SLC10A7: variants seen among roughly 807,000 people sequenced by gnomAD.
The protein encoded by SLC10A7 is sodium/bile acid cotransporter 7.
SLC10A7 carries 29 observed loss-of-function variants against 43.2 expected under a neutral mutation model. That is an observed-to-expected ratio of 0.67 (90% CI 0.50 to 0.92). The LOEUF is 0.92. Ranked by LOEUF, SLC10A7 falls within the 40% of genes least tolerant of loss-of-function variation. The pLI is 0.00. For synonymous variants in SLC10A7, 152 were observed against 144.8 expected (o/e 1.05, Z -0.35); for missense variants, 295 against 403.2 (o/e 0.73, Z 2.30).
chr4:146,493,420 C>G (rs1255042023), intron 4 of SLC10A7, among the ~76,000 whole-genome samples: 1 of 151,182 alleles, frequency 6.6e-6, no homozygotes, highest in African/African-American at 2.4e-5. Flanking sequence ...TTATGTAGAA[C>G]TGTTTAAGTG....
At chr4:146,516,418 T>C (rs1214322670) in intron 2 of SLC10A7, among the ~76,000 whole-genome samples, 1 of 148,424 alleles carries the variant, frequency 6.7e-6, no homozygotes. Flanking sequence ...TGTGTGTTTG[T>C]GTGTGTGTGT....
At chr4:146,471,506 A>G (rs1733570041) in intron 4 of SLC10A7, among the ~76,000 whole-genome samples, 1 of 152,212 alleles carries the variant, frequency 6.6e-6, no homozygotes, top group Admixed American at 6.5e-5. Flanking sequence ...TTCCAGTTGT[A>G]GCTAAAGTCA....
chr4:146,365,607 G>A (rs774347211), intron 5 of SLC10A7, among the ~76,000 whole-genome samples: 2 of 152,178 alleles, frequency 1.3e-5, no homozygotes, highest in African/African-American at 2.4e-5. Context: ...AGGGATTGAT[G>A]TTTACCAAGT....
Position 146,256,521 on chromosome 4 carries a change from C to T in SLC10A7, c.994-1G>A. On this transcript the variant is annotated splice_acceptor_variant, in intron 11 of 11. Coordinates refer to ENST00000335472, the MANE Select transcript of SLC10A7 (RefSeq NM_001029998.6). LOFTEE classifies it high-confidence loss of function. ...CTGTCGGCCTTGTCAGCTTCACTCC[C>T]TACAAGGAAGGAAAACATGTTCAGA... is the stretch of plus-strand genomic sequence containing the variant. 1 of 1,613,996 alleles carries T rather than the reference C, an allele frequency of 6.2e-7. No homozygotes were observed. Among genetic ancestry groups the T allele is most frequent in the Non-Finnish European group, 8.5e-7 (1 of 1,179,908 alleles).
At chr4:146,374,085 A>G (rs1285973694) in intron 5 of SLC10A7, among the ~76,000 whole-genome samples, 4 of 152,216 alleles carry the variant, frequency 2.6e-5, no homozygotes, top group Non-Finnish European at 5.9e-5. Flanking sequence ...CTCAGATTGG[A>G]AGAGACCTGG....
At chr4:146,367,988 G>C (rs1299752572) in intron 5 of SLC10A7, among the ~76,000 whole-genome samples, 6 of 152,254 alleles carry the variant, frequency 3.9e-5, no homozygotes, top group Admixed American at 3.3e-4. Context: ...TCAGGACACT[G>C]ACCCTCTTGC....
chr4:146,305,437 A>T (rs1345051472), intron 7 of SLC10A7, among the ~76,000 whole-genome samples: 1 of 85,242 alleles, frequency 1.2e-5, no homozygotes, highest in East Asian at 4.0e-4. Flanking sequence ...GGGTGGGGGG[A>T]GGGGGAGGGA....
intron 4 of SLC10A7, among the ~76,000 whole-genome samples, chr4:146,462,596 G>A (rs994241729): frequency 2.0e-5 from 3 of 152,174 alleles, no homozygotes; most frequent in Admixed American, 6.5e-5. Flanking sequence ...CATGGAAATT[G>A]TATAGACACA....
intron 5 of SLC10A7, among the ~76,000 whole-genome samples, chr4:146,382,252 A>C (rs1737679694): frequency 6.6e-6 from 1 of 152,186 alleles, no homozygotes; most frequent in Non-Finnish European, 1.5e-5. Flanking sequence ...TTGTTTAATA[A>C]TTGCTTATTC....
chr4:146,428,973 A>C (rs1324328522), intron 5 of SLC10A7, among the ~76,000 whole-genome samples: 2 of 152,146 alleles, frequency 1.3e-5, no homozygotes, highest in South Asian at 2.1e-4. Flanking sequence ...TGGGTTTGGT[A>C]AACTATTATA....
chr4:146,275,053 G>A (rs989577162), intron 10 of SLC10A7, among the ~76,000 whole-genome samples: 1 of 152,168 alleles, frequency 6.6e-6, no homozygotes, highest in Non-Finnish European at 1.5e-5. Flanking sequence ...GACTCTAGAT[G>A]GCAATAATGA....
rs185920168 is a variant in SLC10A7 at position 146,317,353 on chromosome 4, C to T, written c.471+8608G>A. On this transcript the variant is annotated intron_variant, in intron 6 of 11. Transcript: ENST00000335472. ...ACTATTTTGGGTATTGGGATTATGA[C>T]GGTGACTAAAACAGATAAAGTCCCT... Among the ~76,000 whole-genome samples, 302 of 152,138 alleles carry T rather than the reference C, an allele frequency of 2.0e-3. 3 individuals carry two copies. Among genetic ancestry groups the T allele is most frequent in the East Asian group, 1.2e-3 (6 of 5,164 alleles).
At chr4:146,304,120 A>C (rs1578834827) in intron 7 of SLC10A7, among the ~76,000 whole-genome samples, 1 of 149,302 alleles carries the variant, frequency 6.7e-6, no homozygotes, top group South Asian at 2.2e-4. Flanking sequence ...GCTTACTACT[A>C]ACTTGTTATA....
At chr4:146,387,996 T>C (rs1738132562) in intron 5 of SLC10A7, among the ~76,000 whole-genome samples, 2 of 152,222 alleles carry the variant, frequency 1.3e-5, no homozygotes, top group Admixed American at 1.3e-4. Context: ...ATGACCATAC[T>C]GCCCAAAGCA....
intron 9 of SLC10A7, among the ~76,000 whole-genome samples, chr4:146,287,655 A>G (rs1049550278): frequency 6.6e-6 from 1 of 152,210 alleles, no homozygotes; most frequent in Non-Finnish European, 1.5e-5. Flanking sequence ...TCCATGCAGG[A>G]GTGAGTGCCC....
intron 10 of SLC10A7, among the ~76,000 whole-genome samples, chr4:146,272,288 C>T (rs1728945260): frequency 6.6e-6 from 1 of 152,140 alleles, no homozygotes; most frequent in African/African-American, 2.4e-5. Flanking sequence ...GTACAGATGA[C>T]ATTCCAAATC....
At chr4:146,495,766 AACACACACACAC>A (rs57202992) in intron 4 of SLC10A7, among the ~76,000 whole-genome samples, 28 of 139,628 alleles carry the variant, frequency 2.0e-4, no homozygotes, top group East Asian at 1.5e-3. Flanking sequence ...GATGAAAGTA[AACACACACACAC>A]ACACACACAC....
At chr4:146,377,868 TTG>T (rs1210525999) in intron 5 of SLC10A7, among the ~76,000 whole-genome samples, 1 of 152,160 alleles carries the variant, frequency 6.6e-6, no homozygotes, top group Non-Finnish European at 1.5e-5. Context: ...TACTTTAAAA[TTG>T]CCAACAAAAT....
intron 6 of SLC10A7, among the ~76,000 whole-genome samples, chr4:146,308,092 C>A (rs555563718): frequency 3.5e-4 from 53 of 152,202 alleles, no homozygotes; most frequent in African/African-American, 1.2e-3. Context: ...GATCTCTGAT[C>A]CACTTGACTG....
Sources: allele counts gnomAD v4.1 joint callset (sites outside exome capture counted in the v4.1 genomes callset), GRCh38; gene constraint gnomAD v4.1.1; transcripts MANE v1.5; gene names NCBI Gene and HGNC (gene_info 2026-07-23, HGNC 2026-07-21).